Variants in C15orf39 observed in about 807,000 individuals in gnomAD.
The protein encoded by C15orf39 is PRMT2 interacting protein.
In C15orf39, 24 loss-of-function variants were observed where a neutral mutation model predicts 53.9. The ratio of observed to expected loss-of-function variants is 0.45; its 90% CI spans 0.32 to 0.63. The LOEUF (loss-of-function observed/expected upper bound fraction) is 0.63. C15orf39 is among the 20% of genes least tolerant of loss of function. C15orf39 has a pLI of 0.04. For missense variants in C15orf39, 1,271 were observed against 1,347.9 expected (o/e 0.94, Z 0.89); for synonymous variants, 569 against 576.5 (o/e 0.99, Z 0.19).
upstream of C15orf39, among the ~76,000 whole-genome samples, chr15:75,200,621 G>A (rs2070394969): frequency 2.0e-5 from 3 of 152,140 alleles, no homozygotes; most frequent in Non-Finnish European, 4.4e-5. Context: ...AGCTGTCCGC[G>A]CGCAGATGTA....
rs143381666 is a variant in C15orf39, at chr15:75,206,274, G to C, written c.226G>C (p.Gly76Arg). The change falls in exon 2 of 3, where the codon GGT becomes CGT. Residue 76 changes from glycine to arginine, a missense_variant. Physicochemically the swap from Gly to Arg is moderately radical, Grantham distance 125. Coordinates refer to ENST00000394987, the MANE Select transcript of C15orf39 (RefSeq NM_015492.5). Reference sequence around the variant, plus strand: ...CCCATACCCACCCTTGTACTCTACCGGTATGGCAGGACCCCCACTTCAGGC... The same window carrying C: ...CCCATACCCACCCTTGTACTCTACCCGTATGGCAGGACCCCCACTTCAGGC... ...WTPYPPLYST[G>R]MAGPPLQADN... The C allele has an allele frequency of 1.2e-6, 2 of 1,614,016 alleles. No individual in the cohort carries two copies. Among genetic ancestry groups the C allele is most frequent in the African/African-American group, 1.3e-5 (1 of 75,008 alleles).
rs756191912 is a variant in C15orf39, at chr15:75,206,820, G to A, written c.772G>A (p.Gly258Arg). The A allele has an allele frequency of 1.4e-5, 22 of 1,603,910 alleles. No homozygotes were observed. In the South Asian group the frequency reaches 2.3e-4, roughly 17 times the overall value. The change falls in exon 2 of 3, where the codon GGG (glycine) becomes AGG (arginine). Residue 258 changes from glycine to arginine, a missense_variant. Transcript: ENST00000394987. ...SPWTQLAQPL[G>R]PPCQDTGPTH... is the part of the protein sequence containing the mutation. Reference sequence around the variant, plus strand: ...TTGGACCCAGCTGGCCCAGCCCCTGGGGCCACCCTGTCAGGACACCGGGCC... The same window carrying A: ...TTGGACCCAGCTGGCCCAGCCCCTGAGGCCACCCTGTCAGGACACCGGGCC...
chr15:75,207,390 G>C lies in C15orf39; in HGVS notation c.1342G>C (p.Glu448Gln), dbSNP rs201945099. The C allele has an allele frequency of 5.6e-6, 9 of 1,613,390 alleles. No homozygotes were observed. The Admixed American group carries it at 1.5e-4, about 27-fold the overall frequency. ...EKTWLPSCRK[E>Q]KLQPRLSEHS... ...GACCTGGCTGCCCAGCTGCAGGAAA[G>C]AGAAGCTCCAGCCCCGGCTCAGTGA... Residue 448 changes from glutamate to glutamine, a missense_variant, in exon 2 of 3, where the codon GAG (glutamate) becomes CAG (glutamine). Coordinates refer to ENST00000394987, the MANE Select transcript of C15orf39 (RefSeq NM_015492.5).
chr15:75,204,517 G>A (rs2070425151), intron 1 of C15orf39, among the ~76,000 whole-genome samples: 1 of 150,928 alleles, frequency 6.6e-6, no homozygotes, highest in Non-Finnish European at 1.5e-5. Flanking sequence ...TGTTTTTTGT[G>A]TTTTTTTGAG....
In C15orf39 at chr15:75,208,030, C is replaced by T. The variant is rs752165955; in HGVS notation, c.1982C>T (p.Pro661Leu). Residue 661 changes from proline (P) to leucine (L), a missense_variant, in exon 2 of 3, where the codon CCT (proline) becomes CTT (leucine). This residue lies in a region of C15orf39 where 994 missense variants were observed against 993.7 expected (regional missense o/e 1.00). Transcript: ENST00000394987. ...FRKFKILRPA[P>L]LPAAVVPSTP... ...AAGTTCAAGATCCTCCGTCCGGCAC[C>T]TTTGCCTGCAGCCGTGGTCCCGTCC... The T allele has an allele frequency of 4.3e-6, 7 of 1,613,970 alleles. No homozygotes were observed. The African/African-American group carries it at 5.3e-5, about 12-fold the overall frequency.
At chr15:75,209,796 T>G (rs1463218290) in intron 2 of C15orf39, among the ~76,000 whole-genome samples, 3 of 152,220 alleles carry the variant, frequency 2.0e-5, no homozygotes. Flanking sequence ...ATCCCCGTAG[T>G]GGCAGCCTTG....
upstream of C15orf39, among the ~76,000 whole-genome samples, chr15:75,200,020 G>A (rs912697963): frequency 1.3e-5 from 2 of 152,198 alleles, no homozygotes; most frequent in African/African-American, 2.4e-5. Flanking sequence ...GGAGCTCATA[G>A]TCTGGGGACA....
chr15:75,206,880 C>A lies in C15orf39; in HGVS notation c.832C>A (p.His278Asn). 1 of 1,486,034 alleles carries A rather than the reference C, an allele frequency of 6.7e-7. No individual in the cohort carries two copies. Among genetic ancestry groups the A allele is most frequent in the East Asian group, 2.5e-5 (1 of 40,580 alleles). 92.1% of individuals were successfully genotyped at this position (1,486,034 alleles called of 1,614,324 possible). ...CCCACCACCCCACCACCCACCACCC[C>A]ACCCTCCACAGGCCCTGCCTTGCCC... ...HYPPPHHPPP[H>N]PPQALPCPPA... is the part of the protein sequence containing the mutation. Residue 278 changes from histidine (H) to asparagine (N), a missense_variant, in exon 2 of 3, where the codon CAC becomes AAC. By Grantham distance (68) the His-to-Asn change is moderately conservative (BLOSUM62 1). Coordinates refer to ENST00000394987, the MANE Select transcript of C15orf39 (RefSeq NM_015492.5).
intron 2 of C15orf39, among the ~76,000 whole-genome samples, chr15:75,209,964 C>T (rs2070472015): frequency 6.6e-6 from 1 of 152,146 alleles, no homozygotes; most frequent in Non-Finnish European, 1.5e-5. Flanking sequence ...CTCAGGCGAT[C>T]TGTTACTGAG....
Position 75,208,330 on chromosome 15 carries a change from A to T in C15orf39, c.2282A>T (p.Asp761Val). The change falls in exon 2 of 3, where the codon GAC (aspartate) becomes GTC (valine). Residue 761 changes from aspartate (D) to valine (V), a missense_variant. By Grantham distance (152) the Asp-to-Val change is radical. Transcript: ENST00000394987. Reference sequence around the variant, plus strand: ...CCAGCATCTACTTCAGCCCCAGGGGACTCCCTGGAGCAGCATTTTACAGGA... The same window carrying T: ...CCAGCATCTACTTCAGCCCCAGGGGTCTCCCTGGAGCAGCATTTTACAGGA... Reference protein sequence around the residue: ...PAPASTSAPGDSLEQHFTGLH... With the variant: ...PAPASTSAPGVSLEQHFTGLH... The T allele has an allele frequency of 6.3e-7, 1 of 1,578,398 alleles. No individual in the cohort carries two copies.
At position 75,208,143 on chromosome 15, in the gene C15orf39, T is replaced by C; in HGVS notation, c.2095T>C (p.Leu699=). The C allele has an allele frequency of 6.2e-7, 1 of 1,613,994 alleles. No homozygotes were observed. The highest frequency in any genetic ancestry group is 8.5e-7 in the Non-Finnish European group (1 of 1,180,014). The part of the protein sequence containing the change: ...IGLRILAQQP[L]SVTCFSLALP... Reference sequence around the variant, plus strand: ...ACTGCGGATTCTCGCTCAACAGCCCTTGTCTGTGACCTGCTTCAGCCTGGC... The same window carrying C: ...ACTGCGGATTCTCGCTCAACAGCCCCTGTCTGTGACCTGCTTCAGCCTGGC... Residue 699 remains leucine (L), a synonymous_variant, in exon 2 of 3, where the codon TTG becomes CTG. Transcript: ENST00000394987.
chr15:75,200,732 C>T (rs2070395572), upstream of C15orf39, among the ~76,000 whole-genome samples: 1 of 152,118 alleles, frequency 6.6e-6, no homozygotes, highest in Non-Finnish European at 1.5e-5. Context: ...GGGAAAGCCC[C>T]AACCCTCTCT....
intron 1 of C15orf39, among the ~76,000 whole-genome samples, chr15:75,205,464 G>A (rs1264070485): frequency 2.0e-5 from 3 of 152,168 alleles, no homozygotes; most frequent in Non-Finnish European, 4.4e-5. Flanking sequence ...TCCTGGAGTG[G>A]GGATGGGTGG....
rs1268300500 is a variant in C15orf39, at chr15:75,208,561, G to C, written c.2513G>C (p.Arg838Pro). Residue 838 changes from arginine (R) to proline (P), a missense_variant, in exon 2 of 3, where the codon CGA (arginine) becomes CCA (proline). By Grantham distance (103) the Arg-to-Pro change is moderately radical (BLOSUM62 -2). Around this residue, in one of 2 missense-constraint regions of C15orf39, gnomAD observed 277 missense variants for 354.1 expected, o/e 0.78. Transcript: ENST00000394987. ...CGGTGCCCCTTCCCCCATGTGGTGCGAGCTGGCGCCATCTTCGTGCCCATT... is the reference window on the plus strand; with the variant it reads ...CGGTGCCCCTTCCCCCATGTGGTGCCAGCTGGCGCCATCTTCGTGCCCATT... The part of the protein sequence containing the change: ...THRCPFPHVV[R>P]AGAIFVPIHL... The C allele has an allele frequency of 1.3e-6, 2 of 1,573,184 alleles. No homozygotes were observed. The highest frequency in any genetic ancestry group is 1.7e-6 in the Non-Finnish European group (2 of 1,160,190).
Position 75,208,830 on chromosome 15 carries a change from C to T in C15orf39, c.2776+6C>T. 6.3e-7 allele frequency: 1 copy of T among 1,583,502 alleles called. No individual in the cohort carries two copies. ...CTGTGTACGCCGCCAGCTGGGTGAG[C>T]ATGGGGCAGCCCCAGTGGCCACCGG... is the stretch of plus-strand genomic sequence containing the variant. On this transcript the variant is annotated splice_donor_region_variant and intron_variant, in intron 2 of 2. Coordinates refer to ENST00000394987, the MANE Select transcript of C15orf39 (RefSeq NM_015492.5).
chr15:75,206,145 C>A lies in C15orf39; in HGVS notation c.97C>A (p.His33Asn), dbSNP rs141467125. ...TDSGLEHSLP[H>N]SVGNQDPCTY... ...CTCCGGGCTCGAGCACAGCCTGCCCCACTCTGTTGGTAACCAGGATCCCTG... is the reference window on the plus strand; with the variant it reads ...CTCCGGGCTCGAGCACAGCCTGCCCAACTCTGTTGGTAACCAGGATCCCTG... The change falls in exon 2 of 3, where the codon CAC becomes AAC. Residue 33 changes from histidine (H) to asparagine (N), a missense_variant. Coordinates refer to ENST00000394987, the MANE Select transcript of C15orf39 (RefSeq NM_015492.5). The A allele has an allele frequency of 6.2e-7, 1 of 1,613,864 alleles. No homozygotes were observed. Among genetic ancestry groups the A allele is most frequent in the Admixed American group, 1.7e-5 (1 of 59,984 alleles).
At chr15:75,199,974 G>A (rs1595952276), upstream of C15orf39, among the ~76,000 whole-genome samples, 2 of 152,118 alleles carry the variant, frequency 1.3e-5, no homozygotes, top group African/African-American at 4.8e-5. Context: ...GACGACCATT[G>A]GTATAGGGAG....
In C15orf39 at chr15:75,211,022, G is replaced by A; in HGVS notation, c.3050G>A (p.Gly1017Asp). The A allele has an allele frequency of 6.2e-7, 1 of 1,610,146 alleles. No homozygotes were observed. Among genetic ancestry groups the A allele is most frequent in the Non-Finnish European group, 8.5e-7 (1 of 1,180,000 alleles). The change falls in exon 3 of 3, where the codon GGC (glycine) becomes GAC (aspartate). Residue 1017 changes from glycine (G) to aspartate (D), a missense_variant. By Grantham distance (94) the Gly-to-Asp change is moderately conservative (BLOSUM62 -1). This residue lies in a region of C15orf39 where 277 missense variants were observed against 354.1 expected (regional missense o/e 0.78). Transcript: ENST00000394987. ...CTGCTGGAGACCGCCTGGCTCAATG[G>A]CCTGGCTCTGCCCACCTGGGGCCAC... The part of the protein sequence containing the change: ...RSLLETAWLN[G>D]LALPTWGHKS...
At chr15:75,202,882 C>T (rs2141594898) in intron 1 of C15orf39, among the ~76,000 whole-genome samples, 1 of 152,374 alleles carries the variant, frequency 6.6e-6, no homozygotes, top group South Asian at 2.1e-4. Flanking sequence ...CGGAAGCCCG[C>T]CAGGTCGGGT....
Sources: gnomAD v4.1 joint callset for allele counts (sites outside exome capture counted in the v4.1 genomes callset) on GRCh38, gnomAD v4.1.1 for gene constraint, gnomAD v4.1.1 regional missense constraint, MANE v1.5 for transcripts, NCBI Gene and HGNC (gene_info 2026-07-23, HGNC 2026-07-21) for gene names.